The following TNFSF8 variants were observed in gnomAD, a reference collection of about 807,000 sequenced individuals.
TNFSF8 encodes tumor necrosis factor ligand superfamily member 8.
TNFSF8 carries 4 observed loss-of-function variants against 22.0 expected under a neutral mutation model. That is an observed-to-expected ratio of 0.18 (90% CI 0.09 to 0.42). TNFSF8 has a LOEUF of 0.42. Among genes scored for constraint, TNFSF8 ranks in the 10% least tolerant of loss-of-function variants. The pLI is 1.00. For synonymous variants in TNFSF8, 106 were observed against 112.5 expected (o/e 0.94, Z 0.37); for missense variants, 233 against 281.8 (o/e 0.83, Z 1.24).
chr9:114,897,074 G>C (rs1403358571), downstream of TNFSF8, among the ~76,000 whole-genome samples: 4 of 151,858 alleles, frequency 2.6e-5, no homozygotes, highest in Admixed American at 2.0e-4. Context: ...GGCTAATTTT[G>C]ATTTTTAGTA....
chr9:114,916,581 C>T (rs1827921888), intron 2 of TNFSF8, among the ~76,000 whole-genome samples: 1 of 152,174 alleles, frequency 6.6e-6, no homozygotes, highest in African/African-American at 2.4e-5. Flanking sequence ...GTTATATTCA[C>T]TCAGAGCCTT....
chr9:114,894,155 C>T, exon 5 of TNFSF8: 2 of 1,534,624 alleles, frequency 1.3e-6, no homozygotes, highest in African/African-American at 2.7e-5. Flanking sequence ...GAGGATCATG[C>T]CACAGTAATC....
At chr9:114,911,715 A>C (rs1359598292) in intron 2 of TNFSF8, among the ~76,000 whole-genome samples, 3 of 152,166 alleles carry the variant, frequency 2.0e-5, no homozygotes, top group African/African-American at 7.2e-5. Context: ...TAAATAATTT[A>C]AATCCTGCCT....
chr9:114,910,010 G>A (rs1027293266), intron 2 of TNFSF8, among the ~76,000 whole-genome samples: 2 of 152,180 alleles, frequency 1.3e-5, no homozygotes, highest in Non-Finnish European at 2.9e-5. Flanking sequence ...AGAGACCAGG[G>A]CTCCTTACTC....
chr9:114,895,733 G>A (rs924147908), intron 4 of TNFSF8, among the ~76,000 whole-genome samples: 7 of 152,190 alleles, frequency 4.6e-5, no homozygotes, highest in Admixed American at 2.6e-4. Context: ...CAAGGTCATA[G>A]AGTTAGTAAT....
chr9:114,912,883 G>T (rs1827869754), intron 2 of TNFSF8, among the ~76,000 whole-genome samples: 1 of 152,228 alleles, frequency 6.6e-6, no homozygotes, highest in African/African-American at 2.4e-5. Flanking sequence ...TTTTTAGCAA[G>T]TGGAGGGGCA....
At chr9:114,897,333 G>A (rs905336275), downstream of TNFSF8, among the ~76,000 whole-genome samples, 2 of 151,772 alleles carry the variant, frequency 1.3e-5, no homozygotes, top group Non-Finnish European at 2.9e-5. Context: ...GTTTAAAGTG[G>A]TTTTCTTTGA....
intron 1 of TNFSF8, among the ~76,000 whole-genome samples, chr9:114,929,894 A>T (rs1455021547): frequency 6.8e-6 from 1 of 147,406 alleles, no homozygotes; most frequent in Non-Finnish European, 1.5e-5. Flanking sequence ...TATATATATA[A>T]TATATACTGT....
At position 114,903,687 on chromosome 9, in the gene TNFSF8, C is replaced by G; in HGVS notation, c.*244G>C. The G allele has an allele frequency of 8.3e-7, 1 of 1,199,920 alleles. No homozygotes were observed. Among genetic ancestry groups the G allele is most frequent in the South Asian group, 3.1e-5 (1 of 31,992 alleles). 74.3% of individuals were successfully genotyped at this position (1,199,920 alleles called of 1,614,324 possible). On this transcript the variant is annotated 3_prime_UTR_variant, in exon 4 of 4. Transcript: ENST00000223795. ...GGACATCCATTCATCCCTTCTGATT[C>G]TGTGTGGGGCTCTGCCCACCACACT...
intron 2 of TNFSF8, among the ~76,000 whole-genome samples, chr9:114,912,109 A>G (rs1827859137): frequency 6.6e-6 from 1 of 152,220 alleles, no homozygotes; most frequent in South Asian, 2.1e-4. Flanking sequence ...TGCCATTACT[A>G]GCTGTGTGGC....
At chr9:114,904,629 T>C (rs1827762850) in intron 3 of TNFSF8, among the ~76,000 whole-genome samples, 1 of 152,218 alleles carries the variant, frequency 6.6e-6, no homozygotes, top group Non-Finnish European at 1.5e-5. Context: ...TATTATTCTA[T>C]GATGAATATG....
intron 1 of TNFSF8, among the ~76,000 whole-genome samples, chr9:114,927,881 T>C (rs1247683654): frequency 1.3e-5 from 2 of 152,198 alleles, no homozygotes; most frequent in African/African-American, 4.8e-5. Context: ...TTCACTTGTC[T>C]GAGTTCTTCC....
At chr9:114,920,891 A>T (rs1827979908) in intron 1 of TNFSF8, among the ~76,000 whole-genome samples, 1 of 151,244 alleles carries the variant, frequency 6.6e-6, no homozygotes, top group South Asian at 2.1e-4. Context: ...CTGGTCTTGA[A>T]CTCCTGACCT....
At chr9:114,901,039 G>A (rs2131339491), downstream of TNFSF8, 3 of 944,624 alleles carry the variant, frequency 3.2e-6, no homozygotes, top group African/African-American at 5.4e-5. Context: ...CACTGAGTGT[G>A]TGTGTGTGTG....
rs1422471552 is a variant in TNFSF8, at chr9:114,902,878, T to C, written c.*1053A>G. The C allele has an allele frequency of 2.0e-6, 1 of 502,690 alleles. No individual in the cohort carries two copies. Among genetic ancestry groups the C allele is most frequent in the African/African-American group, 2.1e-5 (1 of 47,960 alleles). 31.1% of individuals were successfully genotyped at this position (502,690 alleles called of 1,614,324 possible). A position where few individuals can be genotyped will look rare whatever the true frequency, so the allele number is the denominator to read the frequency against. Reference sequence around the variant, plus strand: ...TAATTTTATGTTGCCTTGGCAACCATTTTGTATACAAGTTTAATTTCTCAT... The same window carrying C: ...TAATTTTATGTTGCCTTGGCAACCACTTTGTATACAAGTTTAATTTCTCAT... On this transcript the variant is annotated 3_prime_UTR_variant, in exon 4 of 4. Transcript: ENST00000223795.
rs746911830 is a variant in TNFSF8 at position 114,930,229 on chromosome 9, G to T, written c.75C>A (p.Gly25=). The T allele has an allele frequency of 6.2e-7, 1 of 1,608,000 alleles. No individual in the cohort carries two copies. The highest frequency in any genetic ancestry group is 1.7e-5 in the Admixed American group (1 of 59,268). The change falls in exon 1 of 4, where the codon GGC becomes GGA. Residue 25 remains glycine, a synonymous_variant. Transcript: ENST00000223795. ...TGGTCCCCAGGTGGCTGGCCACGGAGCCCGCCGGCACATGCATGGCTGTGT... is the reference window on the plus strand; with the variant it reads ...TGGTCCCCAGGTGGCTGGCCACGGATCCCGCCGGCACATGCATGGCTGTGT... The part of the protein sequence containing the change: ...PGDTAMHVPA[G]SVASHLGTTS...
At chr9:114,909,698 G>A (rs1189314117) in intron 2 of TNFSF8, among the ~76,000 whole-genome samples, 7 of 152,146 alleles carry the variant, frequency 4.6e-5, no homozygotes, top group Admixed American at 1.3e-4. Context: ...ATGGGGAGTC[G>A]GTCCCAGCTG....
chr9:114,898,941 G>C (rs1181038263), downstream of TNFSF8, among the ~76,000 whole-genome samples: 2 of 152,074 alleles, frequency 1.3e-5, no homozygotes, highest in Admixed American at 6.6e-5. Flanking sequence ...GCCGCGAACA[G>C]GAAACCACTA....
intron 4 of TNFSF8, among the ~76,000 whole-genome samples, chr9:114,894,379 T>C (rs997493865): frequency 6.6e-6 from 1 of 152,182 alleles, no homozygotes; most frequent in African/African-American, 2.4e-5. Flanking sequence ...CAATAATGTC[T>C]GAGTTGAAAT....
Sources: gnomAD v4.1 joint callset for allele counts (sites outside exome capture counted in the v4.1 genomes callset) on GRCh38, gnomAD v4.1.1 for gene constraint, MANE v1.5 for transcripts, NCBI Gene and HGNC (gene_info 2026-07-23, HGNC 2026-07-21) for gene names.